Variants in FBXO11 observed in about 807,000 individuals in gnomAD.
FBXO11 encodes F-box only protein 11.
A neutral mutation model predicts 117.0 loss-of-function variants in FBXO11; 13 were observed. The ratio of observed to expected loss-of-function variants is 0.11; its 90% CI spans 0.07 to 0.18. The LOEUF (loss-of-function observed/expected upper bound fraction) is 0.18, where lower values mean the gene tolerates loss of function less well. FBXO11 is among the 10% of genes least tolerant of loss of function. The pLI, the probability that FBXO11 is intolerant of heterozygous loss-of-function variation, is 1.00. For synonymous variants in FBXO11, 490 were observed against 380.5 expected, an observed-to-expected ratio of 1.29 and a Z score of -3.35; for missense variants, 767 against 1,164.4, an observed-to-expected ratio of 0.66 and a Z score of 4.97.
intron 11 of FBXO11, among the ~76,000 whole-genome samples, chr2:47,824,763 T>G (rs77247241): frequency 0.014 from 2,114 of 152,316 alleles, 58 homozygotes; most frequent in African/African-American, 0.049. Flanking sequence ...TCTTCATACT[T>G]TGAATTTCTT....
chr2:47,837,536 A>G (rs941658249), intron 4 of FBXO11, among the ~76,000 whole-genome samples: 5 of 152,200 alleles, frequency 3.3e-5, no homozygotes, highest in Non-Finnish European at 1.5e-5. Context: ...AAAAACAACA[A>G]CAAAAACATA....
chr2:47,824,505 A>G (rs1671607694), intron 11 of FBXO11, among the ~76,000 whole-genome samples: 1 of 152,222 alleles, frequency 6.6e-6, no homozygotes, highest in African/African-American at 2.4e-5. Flanking sequence ...GGTTGACCAA[A>G]GAACACAATC....
rs1670326372 is a variant in FBXO11 at position 47,807,783 on chromosome 2, A to AACTGCAAC, written c.*334_*335insGTTGCAGT. On this transcript the variant is annotated 3_prime_UTR_variant, in exon 23 of 23. Coordinates refer to ENST00000403359, the MANE Select transcript of FBXO11 (RefSeq NM_001190274.2). Reference sequence around the variant, plus strand: ...CAACAAAGCTGCTTGTCTATTGAAGATTACTACTGCAAATTGGACTGCATT... The same window carrying AACTGCAAC: ...CAACAAAGCTGCTTGTCTATTGAAGAACTGCAACTTACTACTGCAAATTGGACTGCATT... 3.9e-6 allele frequency: 1 copy of AACTGCAAC among 258,902 alleles called. No individual in the cohort carries two copies. Among genetic ancestry groups the AACTGCAAC allele is most frequent in the Non-Finnish European group, 7.5e-6 (1 of 133,320 alleles). The allele number at this position is 258,902 out of a possible 1,614,324, so 16.0% of individuals were successfully genotyped here. A position where few individuals can be genotyped will look rare whatever the true frequency, so the allele number is the denominator to read the frequency against.
chr2:47,835,510 T>C (rs1672486879), intron 5 of FBXO11, among the ~76,000 whole-genome samples: 1 of 152,172 alleles, frequency 6.6e-6, no homozygotes, highest in Admixed American at 6.5e-5. Context: ...CTTTTTTTTT[T>C]TCCCTGAGAC....
chr2:47,896,333 T>TTC (rs1471415596), intron 1 of FBXO11, among the ~76,000 whole-genome samples: 2 of 149,440 alleles, frequency 1.3e-5, no homozygotes, highest in South Asian at 4.2e-4. Context: ...TTCTTTTCTT[T>TTC]TTTTTTTTTT....
chr2:47,884,214 G>C (rs992195824), intron 1 of FBXO11, among the ~76,000 whole-genome samples: 1 of 152,090 alleles, frequency 6.6e-6, no homozygotes, highest in African/African-American at 2.4e-5. Context: ...GCAAGACTCC[G>C]TCTCAAGAAA....
intron 4 of FBXO11, 66 bp downstream of exon 4, chr2:47,838,793 C>T (rs1240675340): frequency 2.0e-6 from 3 of 1,498,788 alleles, no homozygotes; most frequent in Non-Finnish European, 2.7e-6. Flanking sequence ...GACTTTCCTA[C>T]CATGTTTAGC....
intron 1 of FBXO11, among the ~76,000 whole-genome samples, chr2:47,900,346 A>G (rs1008005885): frequency 2.0e-5 from 3 of 152,066 alleles, no homozygotes; most frequent in African/African-American, 7.3e-5. Context: ...CTTACTTCCT[A>G]AAACAGGAAA....
At chr2:47,831,268 T>A (rs1002991464) in intron 11 of FBXO11, among the ~76,000 whole-genome samples, 2 of 151,460 alleles carry the variant, frequency 1.3e-5, no homozygotes, top group African/African-American at 4.8e-5. Flanking sequence ...AATACAAAAT[T>A]AGGCAGGCGT....
rs149977790 is a variant in FBXO11 at position 47,831,978 on chromosome 2, C to A, written c.1398+371G>T. The stretch of plus-strand genomic sequence containing the variant: ...TCACTTATGTTGTTTATTAAAAATA[C>A]ATATTCTAAGCCCCATCCTTGGAAA... On this transcript the variant is annotated intron_variant, in intron 11 of 22. Coordinates refer to ENST00000403359, the MANE Select transcript of FBXO11 (RefSeq NM_001190274.2). Among the ~76,000 whole-genome samples, 85 of 152,076 alleles carry A rather than the reference C, an allele frequency of 5.6e-4. No homozygotes were observed. In the South Asian group the frequency reaches 7.1e-3, roughly 13 times the overall value.
chr2:47,835,371 T>C (rs17036985), intron 5 of FBXO11, among the ~76,000 whole-genome samples: 2,042 of 152,316 alleles, frequency 0.013, 52 homozygotes, highest in African/African-American at 0.045. Flanking sequence ...AACAGACCCA[T>C]TGAAATCACA....
rs1670328631 is a variant in FBXO11 at position 47,807,814 on chromosome 2, C to T, written c.*304G>A. The stretch of plus-strand genomic sequence containing the variant: ...ACTGCAAATTGGACTGCATTCAATG[C>T]TAGTTGTAAAAACACCAGCTTTTCA... On this transcript the variant is annotated 3_prime_UTR_variant, in exon 23 of 23. Transcript: ENST00000403359. 1 of 290,568 alleles carries T rather than the reference C, an allele frequency of 3.4e-6. No homozygotes were observed. The highest frequency in any genetic ancestry group is 4.7e-5 in the Admixed American group (1 of 21,450). The allele number at this position is 290,568 out of a possible 1,614,324, so 18.0% of individuals were successfully genotyped here.
At chr2:47,832,259 T>A in intron 11 of FBXO11, 90 bp downstream of exon 11, 1 of 1,089,904 alleles carries the variant, frequency 9.2e-7, no homozygotes, top group Non-Finnish European at 1.3e-6. Context: ...TCAATTCAGA[T>A]AATTTGGTGA....
At chr2:47,821,871 C>A (rs1251419507) in intron 13 of FBXO11, among the ~76,000 whole-genome samples, 2 of 152,122 alleles carry the variant, frequency 1.3e-5, no homozygotes, top group Non-Finnish European at 2.9e-5. Context: ...GCGGGAAGAT[C>A]ACCTGAGGCC....
At chr2:47,886,232 G>A (rs551076723) in intron 1 of FBXO11, among the ~76,000 whole-genome samples, 60 of 152,104 alleles carry the variant, frequency 3.9e-4, no homozygotes, top group African/African-American at 1.4e-3. Flanking sequence ...CTTTCGCCAG[G>A]CACGGTGCCT....
intron 14 of FBXO11, among the ~76,000 whole-genome samples, chr2:47,819,589 A>T (rs1671239784): frequency 6.6e-6 from 1 of 152,144 alleles, no homozygotes; most frequent in African/African-American, 2.4e-5. Context: ...GTGGTTTTAT[A>T]CTTTTAATAT....
chr2:47,897,294 G>A (rs960376639), intron 1 of FBXO11, among the ~76,000 whole-genome samples: 2 of 152,136 alleles, frequency 1.3e-5, no homozygotes, highest in African/African-American at 2.4e-5. Flanking sequence ...AGTAGAGTTG[G>A]CAAATCAGCA....
chr2:47,894,352 A>G (rs1677492960), intron 1 of FBXO11, among the ~76,000 whole-genome samples: 1 of 152,222 alleles, frequency 6.6e-6, no homozygotes, highest in African/African-American at 2.4e-5. Context: ...ATATGCAGAA[A>G]ACTAGAAATG....
In FBXO11 at chr2:47,905,508, C is replaced by T. The variant is rs2104136628; in HGVS notation, c.213G>A (p.Arg71=). The T allele has an allele frequency of 8.1e-7, 1 of 1,233,426 alleles. No homozygotes were observed. Among genetic ancestry groups the T allele is most frequent in the Non-Finnish European group, 1.0e-6 (1 of 989,840 alleles). The allele number at this position is 1,233,426 out of a possible 1,614,324, so 76.4% of individuals were successfully genotyped here. The change falls in exon 1 of 23, where the codon CGG becomes CGA. Residue 71 remains arginine (R), a synonymous_variant. Transcript: ENST00000403359. The stretch of plus-strand genomic sequence containing the variant: ...CCTTACCCCGCTCGCCGACGTTGTT[C>T]CGCTCCTGAGGCAGCGGCGGAGGCG... ...PPPPPPLPQE[R]NNVGERDDDV...
Sources: allele counts gnomAD v4.1 joint callset (sites outside exome capture counted in the v4.1 genomes callset), GRCh38; gene constraint gnomAD v4.1.1; transcripts MANE v1.5; gene names NCBI Gene and HGNC (gene_info 2026-07-23, HGNC 2026-07-21).